Variants in USH2A observed in about 807,000 individuals in gnomAD.
USH2A encodes the protein usherin.
Under a neutral mutation model 538.9 loss-of-function variants are expected in USH2A, and 443 were observed. The observed-to-expected ratio is 0.82, with a 90% CI of 0.76 to 0.89. The LOEUF is 0.89. Ranked by LOEUF, USH2A falls within the 40% of genes least tolerant of loss-of-function variation. The pLI is 0.00. For synonymous variants in USH2A, 2,413 were observed against 2,273.5 expected, an observed-to-expected ratio of 1.06 and a Z score of -1.75; for missense variants, 6,633 against 6,324.8, an observed-to-expected ratio of 1.05 and a Z score of -1.65.
In USH2A at chr1:216,198,372, C is replaced by T. The variant is rs778505422; in HGVS notation, c.4024G>A (p.Val1342Met). 8 of 1,613,940 alleles carry T rather than the reference C, an allele frequency of 5.0e-6. No homozygotes were observed. The highest frequency in any genetic ancestry group is 5.9e-6 in the Non-Finnish European group (7 of 1,179,972). Reference protein sequence around the residue: ...YTKYEFRVLAVNMAGSVSSAW... With the variant: ...YTKYEFRVLAMNMAGSVSSAW... Reference sequence around the variant, plus strand: ...GAAGACACACTTCCAGCCATATTCACAGCTAAGACTCTGAACTCATACTTG... The same window carrying T: ...GAAGACACACTTCCAGCCATATTCATAGCTAAGACTCTGAACTCATACTTG... Residue 1342 changes from valine to methionine, a missense_variant, in exon 18 of 72, where the codon GTG becomes ATG. Val to Met is a conservative substitution (Grantham distance 21, BLOSUM62 1). Coordinates refer to ENST00000307340, the MANE Select transcript of USH2A (RefSeq NM_206933.4).
rs140780782 is a variant in USH2A at position 216,365,918 on chromosome 1, T to G, written c.652-833A>C. 9.2e-5 allele frequency among the ~76,000 whole-genome samples: 14 copies of G among 152,280 alleles called. No individual in the cohort carries two copies. In the East Asian group the frequency reaches 1.3e-3, roughly 15 times the overall value. ...GTAGCTTGATAACTCTTGGATTACA[T>G]GATTAAAAAGCTATGGGATTTTTGT... On this transcript the variant is annotated intron_variant, in intron 3 of 71. Transcript: ENST00000307340.
chr1:216,009,732 G>C (rs552683274), intron 32 of USH2A, among the ~76,000 whole-genome samples: 23 of 152,056 alleles, frequency 1.5e-4, no homozygotes, highest in Admixed American at 1.4e-3. Flanking sequence ...CTCAGCCTCC[G>C]CTCCTCCACC....
intron 14 of USH2A, among the ~76,000 whole-genome samples, chr1:216,224,344 T>G (rs2035520823): frequency 6.6e-6 from 1 of 152,184 alleles, no homozygotes; most frequent in African/African-American, 2.4e-5. Flanking sequence ...CATTTTTGTC[T>G]CATTGTTTTT....
intron 43 of USH2A, 57 bp downstream of exon 43, chr1:215,877,701 T>C (rs1223536120): frequency 1.2e-6 from 2 of 1,610,252 alleles, no homozygotes; most frequent in Non-Finnish European, 1.7e-6. Flanking sequence ...CTTTGAACTA[T>C]TCAACATGCC....
intron 15 of USH2A, among the ~76,000 whole-genome samples, chr1:216,215,267 AG>A (rs2035321497): frequency 6.6e-6 from 1 of 152,124 alleles, no homozygotes; most frequent in East Asian, 1.9e-4. Context: ...GGGTACCATG[AG>A]AAATTTTAAT....
intron 67 of USH2A, among the ~76,000 whole-genome samples, chr1:215,643,377 G>A (rs1221082184): frequency 6.6e-6 from 1 of 152,068 alleles, no homozygotes; most frequent in Non-Finnish European, 1.5e-5. Flanking sequence ...AGTAGCATAA[G>A]TGGTATTTTA....
At chr1:215,930,248 A>G (rs568986703) in intron 38 of USH2A, among the ~76,000 whole-genome samples, 1 of 151,962 alleles carries the variant, frequency 6.6e-6, no homozygotes, top group Non-Finnish European at 1.5e-5. Context: ...ATAATATAAA[A>G]CTTTCATTAA....
intron 50 of USH2A, among the ~76,000 whole-genome samples, chr1:215,797,277 T>C (rs930158695): frequency 6.6e-5 from 10 of 152,264 alleles, no homozygotes; most frequent in Middle Eastern, 3.4e-3. Flanking sequence ...CTTCATAACA[T>C]AAAAGTGCAA....
At position 215,624,175 on chromosome 1, in the gene USH2A, A is replaced by T. The variant is rs895758146; in HGVS notation, c.*1606T>A. 6.6e-6 allele frequency: 1 copy of T among 152,162 alleles called. No individual in the cohort carries two copies. Among genetic ancestry groups the T allele is most frequent in the Admixed American group, 6.6e-5 (1 of 15,266 alleles). The allele number at this position is 152,162 out of a possible 1,614,324, so 9.4% of individuals were successfully genotyped here. On this transcript the variant is annotated 3_prime_UTR_variant, in exon 72 of 72. Transcript: ENST00000307340. ...TGCCAGATGTGCACAATTATTTCAG[A>T]TGCTTTTGTTTATAGCAGTTCTAAT...
intron 17 of USH2A, among the ~76,000 whole-genome samples, chr1:216,199,366 C>T (rs141074151): frequency 1.5e-4 from 23 of 152,146 alleles, no homozygotes; most frequent in African/African-American, 5.3e-4. Flanking sequence ...TGTGTTATGG[C>T]AGATGTCATT....
At chr1:215,837,842 C>T (rs1663574385) in intron 47 of USH2A, 149 bp downstream of exon 47, 1 of 707,146 alleles carries the variant, frequency 1.4e-6, no homozygotes, top group Non-Finnish European at 2.5e-6. Context: ...AGATTAATAT[C>T]TGTGAAATAA....
At chr1:216,102,858 C>T (rs957930498) in intron 21 of USH2A, among the ~76,000 whole-genome samples, 7 of 152,250 alleles carry the variant, frequency 4.6e-5, no homozygotes, top group Admixed American at 1.3e-4. Context: ...TTCATCCAGC[C>T]GTTCTACTCC....
Position 215,846,018 on chromosome 1 carries a change from T to C in USH2A, c.8861A>G (p.Gln2954Arg), listed in dbSNP as rs1467856164. ...AAGTGTGTAATATTCAACTTCACCT[T>C]GTAGGTCTTGAACAGCTGTCAACAA... ...RWAKPTVQDL[Q>R]GEVEYYTLFW... Residue 2954 changes from glutamine (Q) to arginine (R), a missense_variant, in exon 45 of 72, where the codon CAA becomes CGA. Transcript: ENST00000307340. The C allele has an allele frequency of 6.2e-7, 1 of 1,613,660 alleles. No individual in the cohort carries two copies. The highest frequency in any genetic ancestry group is 1.1e-5 in the South Asian group (1 of 91,060).
At chr1:216,247,342 C>T in intron 12 of USH2A, 116 bp from the exon 13 acceptor site, 4 of 1,313,480 alleles carry the variant, frequency 3.0e-6, no homozygotes, top group Non-Finnish European at 3.2e-6. Context: ...AGTGTTTTCT[C>T]ACAAGCAATG....
chr1:215,831,406 CT>C (rs1353085555), intron 47 of USH2A, among the ~76,000 whole-genome samples: 1 of 152,108 alleles, frequency 6.6e-6, no homozygotes, highest in Non-Finnish European at 1.5e-5. Flanking sequence ...CAACAACAGA[CT>C]GTACCTTCTC....
At chr1:215,657,075 A>C (rs1657280625) in intron 64 of USH2A, among the ~76,000 whole-genome samples, 1 of 152,262 alleles carries the variant, frequency 6.6e-6, no homozygotes, top group African/African-American at 2.4e-5. Flanking sequence ...GCCAACAGCT[A>C]ATTCAATAGA....
At chr1:216,388,544 C>T (rs554536636) in intron 3 of USH2A, among the ~76,000 whole-genome samples, 40 of 152,200 alleles carry the variant, frequency 2.6e-4, no homozygotes, top group Admixed American at 7.8e-4. Context: ...TTCCAAGACT[C>T]GGAAGATGAA....
rs572251990 is a variant in USH2A at position 215,853,142 on chromosome 1, T to C, written c.8846-7109A>G. On this transcript the variant is annotated intron_variant, in intron 44 of 71. Transcript: ENST00000307340. ...ACTTCTATCTGGATATCCAGGTGTT[T>C]CCATACATACTTTAAAATCTAGGTG... Among the ~76,000 whole-genome samples the C allele has an allele frequency of 7.2e-5, 11 of 152,322 alleles. No homozygotes were observed. The East Asian group carries it at 1.5e-3, about 21-fold the overall frequency.
At chr1:215,970,232 C>T (rs1667457429) in intron 36 of USH2A, among the ~76,000 whole-genome samples, 1 of 152,118 alleles carries the variant, frequency 6.6e-6, no homozygotes, top group South Asian at 2.1e-4. Flanking sequence ...GCAGTGTTGC[C>T]ATATTGTGGC....
Sources: gnomAD v4.1 joint callset for allele counts (sites outside exome capture counted in the v4.1 genomes callset) on GRCh38, gnomAD v4.1.1 for gene constraint, MANE v1.5 for transcripts, NCBI Gene and HGNC (gene_info 2026-07-23, HGNC 2026-07-21) for gene names.